Variants in SLC2A13 observed in about 807,000 individuals in gnomAD.
SLC2A13 encodes the protein solute carrier family 2 member 13, also known as proton myo-inositol cotransporter.
A neutral mutation model predicts 64.4 loss-of-function variants in SLC2A13; 32 were observed. That is an observed-to-expected ratio of 0.50 (90% CI 0.37 to 0.67). The LOEUF is 0.67. SLC2A13 is among the 30% of genes least tolerant of loss of function. SLC2A13 has a pLI of 0.00. For synonymous variants in SLC2A13, 338 were observed against 327.1 expected, an observed-to-expected ratio of 1.03 and a Z score of -0.36; for missense variants, 743 against 829.2, an observed-to-expected ratio of 0.90 and a Z score of 1.28.
chr12:39,925,919 G>A (rs528978854), intron 4 of SLC2A13, among the ~76,000 whole-genome samples: 1 of 152,178 alleles, frequency 6.6e-6, no homozygotes, highest in Admixed American at 6.5e-5. Context: ...CTTTGTCTAA[G>A]TTATCCAAAT....
At chr12:39,808,063 C>G (rs1942033566) in intron 7 of SLC2A13, among the ~76,000 whole-genome samples, 1 of 151,998 alleles carries the variant, frequency 6.6e-6, no homozygotes, top group African/African-American at 2.4e-5. Flanking sequence ...TCCATGTAAC[C>G]ACTACCACAG....
intron 7 of SLC2A13, among the ~76,000 whole-genome samples, chr12:39,828,653 C>T (rs1427745897): frequency 1.3e-5 from 2 of 151,422 alleles, no homozygotes; most frequent in Admixed American, 1.3e-4. Flanking sequence ...AAACTATGTA[C>T]ATTTCTTTTT....
intron 9 of SLC2A13, among the ~76,000 whole-genome samples, chr12:39,764,037 G>A (rs531869522): frequency 3.3e-5 from 5 of 152,202 alleles, no homozygotes; most frequent in South Asian, 2.1e-4. Context: ...TCAGCCCTAC[G>A]CAGATTCTGC....
chr12:40,022,101 TGG>T (rs1565593657), intron 3 of SLC2A13, among the ~76,000 whole-genome samples: 1 of 152,022 alleles, frequency 6.6e-6, no homozygotes, highest in African/African-American at 2.4e-5. Flanking sequence ...CCCAAGGAAC[TGG>T]AGGTAAATCA....
chr12:39,908,656 C>T (rs1945353788), intron 4 of SLC2A13, among the ~76,000 whole-genome samples: 1 of 151,772 alleles, frequency 6.6e-6, no homozygotes, highest in Admixed American at 6.6e-5. Flanking sequence ...ACTAGGGATG[C>T]AAAAGTACCA....
chr12:40,081,656 T>C (rs562679605), intron 1 of SLC2A13, among the ~76,000 whole-genome samples: 43 of 152,196 alleles, frequency 2.8e-4, no homozygotes, highest in Non-Finnish European at 5.3e-4. Context: ...TTATTTGCCA[T>C]GCAAATTCTG....
intron 1 of SLC2A13, among the ~76,000 whole-genome samples, chr12:40,088,151 T>C (rs1475303900): frequency 1.3e-5 from 2 of 152,188 alleles, no homozygotes; most frequent in Admixed American, 6.5e-5. Flanking sequence ...TGGCATAACA[T>C]TTCTTTAAGA....
intron 3 of SLC2A13, among the ~76,000 whole-genome samples, chr12:39,969,371 C>T (rs1946598118): frequency 6.6e-6 from 1 of 152,164 alleles, no homozygotes. Flanking sequence ...TGAGGAATCG[C>T]CACACTGTCT....
chr12:40,053,281 C>CAAAAAA (rs35810974), intron 1 of SLC2A13, among the ~76,000 whole-genome samples: 2 of 69,092 alleles, frequency 2.9e-5, no homozygotes, highest in African/African-American at 5.3e-5. Flanking sequence ...GACTCCATCT[C>CAAAAAA]AAAAAAAAAA....
chr12:39,980,270 A>G (rs1172347624), intron 3 of SLC2A13, among the ~76,000 whole-genome samples: 2 of 151,682 alleles, frequency 1.3e-5, no homozygotes, highest in African/African-American at 4.8e-5. Context: ...ATCAACTAAC[A>G]AGCAAAATCA....
chr12:39,792,697 T>C (rs1941445153), intron 7 of SLC2A13, among the ~76,000 whole-genome samples: 1 of 152,092 alleles, frequency 6.6e-6, no homozygotes, highest in South Asian at 2.1e-4. Context: ...CAGATATAGA[T>C]ACCAAAGTAT....
chr12:39,784,305 C>T (rs538138562), intron 7 of SLC2A13, among the ~76,000 whole-genome samples: 4 of 152,258 alleles, frequency 2.6e-5, no homozygotes, highest in African/African-American at 7.2e-5. Context: ...GGAGGCATCA[C>T]GCTACCTGAC....
At chr12:40,057,053 C>A (rs1215599821) in intron 1 of SLC2A13, among the ~76,000 whole-genome samples, 1 of 151,698 alleles carries the variant, frequency 6.6e-6, no homozygotes, top group Non-Finnish European at 1.5e-5. Flanking sequence ...AATAAAAAGA[C>A]AATAGACTAA....
chr12:40,041,205 AT>A (rs1948083657), intron 2 of SLC2A13, among the ~76,000 whole-genome samples: 1 of 152,026 alleles, frequency 6.6e-6, no homozygotes, highest in South Asian at 2.1e-4. Context: ...CCCAAATCTA[AT>A]GTGTTATGAA....
chr12:40,047,978 A>G (rs1010439770), intron 2 of SLC2A13, 73 bp downstream of exon 2: 2 of 1,401,380 alleles, frequency 1.4e-6, no homozygotes, highest in Non-Finnish European at 1.9e-6. Context: ...TATTTTGACT[A>G]TGATTTCTCA....
intron 7 of SLC2A13, among the ~76,000 whole-genome samples, chr12:39,766,932 C>T (rs1940373244): frequency 6.6e-6 from 1 of 152,052 alleles, no homozygotes; most frequent in African/African-American, 2.4e-5. Flanking sequence ...GTCTTCAGCC[C>T]TTTAAAGTCA....
At chr12:39,820,390 T>C (rs575990563) in intron 7 of SLC2A13, among the ~76,000 whole-genome samples, 1 of 152,320 alleles carries the variant, frequency 6.6e-6, no homozygotes, top group South Asian at 2.1e-4. Flanking sequence ...GAATTGTGAT[T>C]GGCATTGGTT....
intron 4 of SLC2A13, among the ~76,000 whole-genome samples, chr12:39,913,206 A>G (rs1945459365): frequency 6.6e-6 from 1 of 152,112 alleles, no homozygotes; most frequent in South Asian, 2.1e-4. Context: ...GAGTTGAAAG[A>G]CTACTGAGGT....
chr12:40,004,768 C>T (rs1169115102), intron 3 of SLC2A13, among the ~76,000 whole-genome samples: 1 of 152,084 alleles, frequency 6.6e-6, no homozygotes, highest in African/African-American at 2.4e-5. Context: ...ATAACACAAA[C>T]AGTTGATTAA....
Sources: allele counts gnomAD v4.1 joint callset (sites outside exome capture counted in the v4.1 genomes callset), GRCh38; gene constraint gnomAD v4.1.1; transcripts MANE v1.5; gene names NCBI Gene and HGNC (gene_info 2026-07-23, HGNC 2026-07-21).